The following EXOC2 variants were observed in gnomAD, a reference collection of about 807,000 sequenced individuals.
EXOC2 encodes SEC5-like 1.
In EXOC2, 70 loss-of-function variants were observed where a neutral mutation model predicts 131.8. That is an observed-to-expected ratio of 0.53 (90% confidence interval 0.44 to 0.65). EXOC2 has a LOEUF of 0.65. Among genes scored for constraint, EXOC2 ranks in the 30% least tolerant of loss-of-function variants. The probability of loss-of-function intolerance (pLI) is 0.00; values close to 1 mark genes in which losing one functional copy is unlikely to be tolerated. For missense variants in EXOC2, 923 were observed against 1,108.6 expected (o/e 0.83, Z 2.38); for synonymous variants, 411 against 398.4 (o/e 1.03, Z -0.38).
At chr6:487,277 A>C (rs1413022762) in intron 27 of EXOC2, among the ~76,000 whole-genome samples, 2 of 151,902 alleles carry the variant, frequency 1.3e-5, no homozygotes, top group East Asian at 3.9e-4. Flanking sequence ...AACAGGTATT[A>C]GAGAGTGGGG....
intron 22 of EXOC2, among the ~76,000 whole-genome samples, chr6:537,285 C>T (rs371284148): frequency 3.4e-5 from 5 of 149,050 alleles, no homozygotes; most frequent in East Asian, 2.0e-4. Context: ...AGCGTACACT[C>T]GAGTTGACAG....
At chr6:673,163 G>A (rs1763948561) in intron 1 of EXOC2, among the ~76,000 whole-genome samples, 1 of 149,826 alleles carries the variant, frequency 6.7e-6, no homozygotes, top group Non-Finnish European at 1.5e-5. Flanking sequence ...TCATGAGGCT[G>A]AGGCAGGAGA....
At chr6:503,179 T>A (rs1053491682) in intron 23 of EXOC2, among the ~76,000 whole-genome samples, 4 of 149,696 alleles carry the variant, frequency 2.7e-5, no homozygotes, top group Admixed American at 2.0e-4. Flanking sequence ...TTTTTTTTTT[T>A]ATTACCGATT....
At chr6:527,342 G>C (rs1360613049) in intron 23 of EXOC2, among the ~76,000 whole-genome samples, 1 of 152,226 alleles carries the variant, frequency 6.6e-6, no homozygotes, top group Non-Finnish European at 1.5e-5. Context: ...ATTGTGCAAT[G>C]TCTCTTGTAA....
rs199775367 is a variant in EXOC2, at chr6:587,248, A to ATT, written c.1192+5219_1192+5220dup. Among the ~76,000 whole-genome samples, 108 of 145,820 alleles carry ATT rather than the reference A, an allele frequency of 7.4e-4. 1 individual carries two copies. The highest frequency in any genetic ancestry group is 1.8e-3 in the East Asian group (9 of 4,988). On this transcript the variant is annotated intron_variant, in intron 11 of 27. Coordinates refer to ENST00000230449, the MANE Select transcript of EXOC2 (RefSeq NM_018303.6). ...TGTAGATGTAAATGTAGATATGTGT[A>ATT]TTTTTTTTTTTTTTGAGACGGAGTC... is the stretch of plus-strand genomic sequence containing the variant.
At chr6:566,192 A>G (rs965349950) in intron 13 of EXOC2, among the ~76,000 whole-genome samples, 18 of 152,242 alleles carry the variant, frequency 1.2e-4, no homozygotes, top group African/African-American at 4.3e-4. Context: ...ATGACACTTA[A>G]AATTCTTTGT....
chr6:550,075 T>C (rs1757065100), intron 21 of EXOC2, among the ~76,000 whole-genome samples: 1 of 152,294 alleles, frequency 6.6e-6, no homozygotes, highest in Admixed American at 6.5e-5. Flanking sequence ...GCCCTTTTGC[T>C]GCTGGTGCGG....
intron 1 of EXOC2, among the ~76,000 whole-genome samples, chr6:687,168 A>ATTTTTTTTTTTTTT (rs1292769233): frequency 2.5e-5 from 1 of 40,700 alleles, no homozygotes; most frequent in African/African-American, 6.8e-5. Flanking sequence ...ATCAAATAAT[A>ATTTTTTTTTTTTTT]TTCTTTTTTT....
intron 23 of EXOC2, among the ~76,000 whole-genome samples, chr6:507,121 CACATACACACACACAT>C (rs1561794436): frequency 2.2e-5 from 1 of 44,804 alleles, no homozygotes; most frequent in Non-Finnish European, 8.5e-5. Flanking sequence ...AGTGACTACA[CACATACACACACACAT>C]ACACACACAC....
intron 23 of EXOC2, among the ~76,000 whole-genome samples, chr6:504,733 T>A (rs916652026): frequency 6.6e-6 from 1 of 152,158 alleles, no homozygotes; most frequent in African/African-American, 2.4e-5. Context: ...GAAGCTGTTA[T>A]GAAAATGCCA....
chr6:637,019 C>A (rs1012455898), intron 2 of EXOC2, among the ~76,000 whole-genome samples: 6 of 152,176 alleles, frequency 3.9e-5, no homozygotes, highest in African/African-American at 1.4e-4. Context: ...AACAGGCCAT[C>A]AGTAAAGGCC....
chr6:634,983 T>G (rs1395494907), intron 2 of EXOC2, among the ~76,000 whole-genome samples: 1 of 152,232 alleles, frequency 6.6e-6, no homozygotes, highest in Non-Finnish European at 1.5e-5. Flanking sequence ...TTTAAACAAC[T>G]GTTTCAATGT....
chr6:603,596 A>AT (rs1301408619), intron 7 of EXOC2, among the ~76,000 whole-genome samples: 3 of 151,970 alleles, frequency 2.0e-5, no homozygotes, highest in Non-Finnish European at 2.9e-5. Context: ...TATTAGGTTA[A>AT]TTTTTTCTAT....
At chr6:652,437 T>C (rs1324463488) in intron 1 of EXOC2, among the ~76,000 whole-genome samples, 1 of 152,180 alleles carries the variant, frequency 6.6e-6, no homozygotes, top group Admixed American at 6.5e-5. Flanking sequence ...TCACCAAATC[T>C]AGTAGGAAAC....
chr6:572,818 G>A (rs1490392657), intron 12 of EXOC2, among the ~76,000 whole-genome samples, 174 bp from the exon 13 acceptor site: 4 of 152,312 alleles, frequency 2.6e-5, no homozygotes, highest in South Asian at 2.1e-4. Flanking sequence ...CGGTACGCTC[G>A]TCACCAGACA....
In EXOC2 at chr6:486,645, C is replaced by T. The variant is rs764746677; in HGVS notation, c.*26G>A. ...AACAGTCTTATTACGTGTTATTTTC[C>T]TGGACTTCTTTTATGTGGCAGATAT... On this transcript the variant is annotated 3_prime_UTR_variant, in exon 28 of 28. Coordinates refer to ENST00000230449, the MANE Select transcript of EXOC2 (RefSeq NM_018303.6). The T allele has an allele frequency of 5.0e-6, 8 of 1,595,480 alleles. No individual in the cohort carries two copies. In the East Asian group the frequency reaches 1.1e-4, roughly 22 times the overall value.
chr6:494,198 A>T (rs376708738), intron 25 of EXOC2, among the ~76,000 whole-genome samples: 3 of 152,256 alleles, frequency 2.0e-5, no homozygotes, highest in African/African-American at 7.2e-5. Context: ...CTTTTGCAAC[A>T]GATTCTCCCC....
At chr6:681,589 A>G (rs188330270) in intron 1 of EXOC2, among the ~76,000 whole-genome samples, 1 of 152,366 alleles carries the variant, frequency 6.6e-6, no homozygotes, top group African/African-American at 2.4e-5. Context: ...ACTATCCTTT[A>G]GTCCTATAAA....
chr6:553,794 T>C lies in EXOC2; in HGVS notation c.2121+60A>G. The C allele has an allele frequency of 2.9e-6, 4 of 1,380,204 alleles. No individual in the cohort carries two copies. In the South Asian group the frequency reaches 4.7e-5, roughly 16 times the overall value. 85.5% of individuals were successfully genotyped at this position (1,380,204 alleles called of 1,614,324 possible). On this transcript the variant is annotated intron_variant, in intron 21 of 27. Transcript: ENST00000230449. ...GATGCAGGAACACAGTCATTAGATT[T>C]GCGAAATTGTTGTTACACAGTTTTA...
Sources: gnomAD v4.1 joint callset for allele counts (sites outside exome capture counted in the v4.1 genomes callset) on GRCh38, gnomAD v4.1.1 for gene constraint, MANE v1.5 for transcripts, NCBI Gene and HGNC (gene_info 2026-07-23, HGNC 2026-07-21) for gene names.